Variants in ERBB4 observed in about 807,000 individuals in gnomAD.
The protein encoded by ERBB4 is receptor tyrosine-protein kinase erbB-4.
In ERBB4, 42 loss-of-function variants were observed where a neutral mutation model predicts 158.0. That is an observed-to-expected ratio of 0.27 (90% CI 0.21 to 0.34). The LOEUF (loss-of-function observed/expected upper bound fraction) is 0.34. Ranked by LOEUF, ERBB4 falls within the 10% of genes least tolerant of loss-of-function variation. ERBB4 has a pLI of 1.00. For synonymous variants in ERBB4, 583 were observed against 558.7 expected (o/e 1.04, Z -0.61); for missense variants, 1,333 against 1,624.1 (o/e 0.82, Z 3.08).
intron 16 of ERBB4, among the ~76,000 whole-genome samples, chr2:211,655,191 G>C (rs537193533): frequency 4.6e-4 from 70 of 151,966 alleles, no homozygotes; most frequent in Admixed American, 1.3e-3. Flanking sequence ...GATTCTCAAG[G>C]TGAAGAGAGA....
intron 20 of ERBB4, among the ~76,000 whole-genome samples, chr2:211,438,142 C>T (rs1202695225): frequency 6.6e-6 from 1 of 152,110 alleles, no homozygotes; most frequent in Non-Finnish European, 1.5e-5. Context: ...GGTTTATGAC[C>T]ACAGGTACTC....
chr2:212,024,746 T>A (rs1032904713), intron 2 of ERBB4, among the ~76,000 whole-genome samples: 1 of 151,692 alleles, frequency 6.6e-6, no homozygotes, highest in Non-Finnish European at 1.5e-5. Context: ...AGGAAAAGAG[T>A]CAAGTATTCA....
intron 20 of ERBB4, among the ~76,000 whole-genome samples, chr2:211,481,827 T>A (rs2065090208): frequency 1.3e-5 from 2 of 152,194 alleles, no homozygotes; most frequent in Admixed American, 1.3e-4. Context: ...CTGGTTAAGA[T>A]GGAGCAACAT....
At chr2:212,012,642 T>C (rs1001512973) in intron 2 of ERBB4, among the ~76,000 whole-genome samples, 1 of 152,140 alleles carries the variant, frequency 6.6e-6, no homozygotes, top group Non-Finnish European at 1.5e-5. Flanking sequence ...CCTGAACTCC[T>C]GACCCTGTGA....
chr2:212,465,979 A>C (rs552131483), intron 1 of ERBB4, among the ~76,000 whole-genome samples: 58 of 152,314 alleles, frequency 3.8e-4, no homozygotes, highest in Non-Finnish European at 6.8e-4. Context: ...ACGGCAAATA[A>C]TAAAAAACTT....
At chr2:211,608,628 G>A (rs964336694) in intron 19 of ERBB4, among the ~76,000 whole-genome samples, 2 of 152,022 alleles carry the variant, frequency 1.3e-5, no homozygotes, top group South Asian at 2.1e-4. Context: ...GAAAATCTTC[G>A]GAAAATATTT....
At position 211,388,112 on chromosome 2, in the gene ERBB4, C is replaced by G. The variant is rs974996329; in HGVS notation, c.3136-120G>C. On this transcript the variant is annotated intron_variant, in intron 25 of 27. Transcript: ENST00000342788. ...CGTATGAACCAAAGGGGAAAAAGTG[C>G]ACAACAGTGAAGCTTCCTAAGCAGC... The G allele has an allele frequency of 1.2e-5, 9 of 774,190 alleles. No individual in the cohort carries two copies. In the African/African-American group the frequency reaches 1.4e-4, roughly 12 times the overall value. The allele number at this position is 774,190 out of a possible 1,614,324, so 48.0% of individuals were successfully genotyped here.
At chr2:212,140,906 T>C (rs2080443852) in intron 1 of ERBB4, among the ~76,000 whole-genome samples, 1 of 150,132 alleles carries the variant, frequency 6.7e-6, no homozygotes, top group Non-Finnish European at 1.5e-5. Context: ...AGTATTTAAG[T>C]TAATACCATA....
Position 212,156,216 on chromosome 2 carries a change from C to T in ERBB4, c.83-31313G>A, listed in dbSNP as rs551015967. Among the ~76,000 whole-genome samples, 101 of 151,870 alleles carry T rather than the reference C, an allele frequency of 6.7e-4. No individual in the cohort carries two copies. The Middle Eastern group carries it at 0.01, about 15-fold the overall frequency. Reference sequence around the variant, plus strand: ...CTCTGAAAGGACATATATGTGGGAGCGTAAAGAAAAGTGGCTTATAAAATT... The same window carrying T: ...CTCTGAAAGGACATATATGTGGGAGTGTAAAGAAAAGTGGCTTATAAAATT... On this transcript the variant is annotated intron_variant, in intron 1 of 27. Coordinates refer to ENST00000342788, the MANE Select transcript of ERBB4 (RefSeq NM_005235.3).
At chr2:211,578,105 T>C (rs1292900644) in intron 19 of ERBB4, among the ~76,000 whole-genome samples, 1 of 152,092 alleles carries the variant, frequency 6.6e-6, no homozygotes, top group African/African-American at 2.4e-5. Flanking sequence ...TTCAGCGAAG[T>C]CTCAGGATAT....
chr2:212,170,733 C>T (rs549783034), intron 1 of ERBB4, among the ~76,000 whole-genome samples: 2 of 152,134 alleles, frequency 1.3e-5, no homozygotes, highest in Non-Finnish European at 2.9e-5. Flanking sequence ...GGTGACTTCA[C>T]ATGGTGTTGG....
At chr2:212,503,106 G>T (rs1690987209) in intron 1 of ERBB4, among the ~76,000 whole-genome samples, 1 of 152,126 alleles carries the variant, frequency 6.6e-6, no homozygotes, top group African/African-American at 2.4e-5. Context: ...CTGAGAATCT[G>T]GTGCAAATGG....
intron 3 of ERBB4, among the ~76,000 whole-genome samples, chr2:211,872,552 T>G (rs1396286028): frequency 6.6e-6 from 1 of 152,196 alleles, no homozygotes; most frequent in Admixed American, 6.5e-5. Context: ...AAAATTTATT[T>G]TTTTTATCTT....
chr2:211,676,933 C>T (rs1008863784), intron 13 of ERBB4, among the ~76,000 whole-genome samples: 4 of 152,062 alleles, frequency 2.6e-5, no homozygotes, highest in Non-Finnish European at 4.4e-5. Context: ...TTCAATGAGA[C>T]AAGCAGCAAA....
At position 212,003,212 on chromosome 2, in the gene ERBB4, AGAAGGAAG is replaced by A. The variant is rs201981636; in HGVS notation, c.235-55604_235-55597del. Among the ~76,000 whole-genome samples, 59 of 40,510 alleles carry A rather than the reference AGAAGGAAG, an allele frequency of 1.5e-3. 3 individuals carry two copies. Among genetic ancestry groups the A allele is most frequent in the African/African-American group, 3.4e-3 (53 of 15,686 alleles). 26.6% of individuals were successfully genotyped at this position (40,510 alleles called of 152,430 possible). ...AAGAAAGAAAGAAAGAAAGACAGAAAGAAGGAAGGAAGGAAGGAAGGAAGGAAGGAAGG... is the reference window on the plus strand; with the variant it reads ...AAGAAAGAAAGAAAGAAAGACAGAAAGAAGGAAGGAAGGAAGGAAGGAAGG... On this transcript the variant is annotated intron_variant, in intron 2 of 27. Transcript: ENST00000342788.
chr2:211,426,356 G>A (rs1163299418), intron 22 of ERBB4, among the ~76,000 whole-genome samples: 1 of 152,130 alleles, frequency 6.6e-6, no homozygotes, highest in African/African-American at 2.4e-5. Context: ...AATGCACCTA[G>A]TGAGAATTTT....
At chr2:211,709,918 CT>C in intron 9 of ERBB4, among the ~76,000 whole-genome samples, 1 of 152,186 alleles carries the variant, frequency 6.6e-6, no homozygotes, top group South Asian at 2.1e-4. Context: ...TGTTCCTCTG[CT>C]TTTTATTTCC....
At chr2:212,028,680 C>T (rs2076831377) in intron 2 of ERBB4, among the ~76,000 whole-genome samples, 1 of 152,078 alleles carries the variant, frequency 6.6e-6, no homozygotes, top group South Asian at 2.1e-4. Flanking sequence ...CCCTGGATCT[C>T]CCCAATTTGT....
intron 1 of ERBB4, among the ~76,000 whole-genome samples, chr2:212,187,649 T>C (rs534283330): frequency 1.3e-5 from 2 of 152,246 alleles, no homozygotes; most frequent in African/African-American, 4.8e-5. Context: ...ACTGAATTTG[T>C]TACTAATTTG....
Sources: gnomAD v4.1 joint callset for allele counts (sites outside exome capture counted in the v4.1 genomes callset) on GRCh38, gnomAD v4.1.1 for gene constraint, MANE v1.5 for transcripts, NCBI Gene and HGNC (gene_info 2026-07-23, HGNC 2026-07-21) for gene names.